Variants in PKHD1L1 observed in about 807,000 individuals in gnomAD.
The protein encoded by PKHD1L1 is fibrocystin-L.
Under a neutral mutation model 462.9 loss-of-function variants are expected in PKHD1L1, and 434 were observed. The observed-to-expected ratio is 0.94, with a 90% CI of 0.87 to 1.02. The LOEUF (loss-of-function observed/expected upper bound fraction) is 1.02. Among genes scored for constraint, PKHD1L1 ranks in the 50% least tolerant of loss-of-function variants. PKHD1L1 has a pLI of 0.00. For synonymous variants in PKHD1L1, 1,781 were observed against 1,750.0 expected (o/e 1.02, Z -0.44); for missense variants, 5,202 against 5,096.1 (o/e 1.02, Z -0.63).
chr8:109,443,513 T>C (rs1380250641), intron 36 of PKHD1L1, among the ~76,000 whole-genome samples, 163 bp from the exon 37 acceptor site: 1 of 152,222 alleles, frequency 6.6e-6, no homozygotes, highest in East Asian at 1.9e-4. Context: ...ATCAGGTCTT[T>C]AATACTTTTG....
chr8:109,371,769 C>T (rs1010196678), intron 2 of PKHD1L1, among the ~76,000 whole-genome samples: 4 of 151,718 alleles, frequency 2.6e-5, no homozygotes, highest in African/African-American at 7.3e-5. Context: ...GAATCCTTTC[C>T]CCATTGCTTG....
intron 2 of PKHD1L1, among the ~76,000 whole-genome samples, chr8:109,365,877 G>A (rs1010833159): frequency 2.6e-5 from 4 of 152,314 alleles, no homozygotes; most frequent in African/African-American, 9.6e-5. Context: ...AGGAGCCTGA[G>A]GCAGAAGAAT....
At chr8:109,475,847 C>CAAAAAAAA in intron 51 of PKHD1L1, among the ~76,000 whole-genome samples, 1 of 95,284 alleles carries the variant, frequency 1.0e-5, no homozygotes, top group Admixed American at 1.1e-4. Context: ...GACTCCATCT[C>CAAAAAAAA]AAAAAAAAAA....
intron 23 of PKHD1L1, among the ~76,000 whole-genome samples, chr8:109,424,342 C>A (rs1311119668): frequency 6.6e-6 from 1 of 152,140 alleles, no homozygotes; most frequent in Non-Finnish European, 1.5e-5. Context: ...TTTATCCATT[C>A]TATTGAACAA....
chr8:109,461,784 C>A lies in PKHD1L1; in HGVS notation c.7259C>A (p.Thr2420Lys), dbSNP rs1267086554. 6.2e-7 allele frequency: 1 copy of A among 1,608,868 alleles called. No individual in the cohort carries two copies. Among genetic ancestry groups the A allele is most frequent in the South Asian group, 1.1e-5 (1 of 89,848 alleles). Residue 2420 changes from threonine to lysine, a missense_variant, in exon 48 of 78, where the codon ACA becomes AAA. Thr to Lys is a moderately conservative substitution (Grantham distance 78). Transcript: ENST00000378402. ...AACTGTTTTGAAGGAGAATTTGCTA[C>A]ACAGACCTGTCTCCAAGGAAAGTTT... Reference protein sequence around the residue: ...PDGFDTGEFATQTCLQGKFGE... With the variant: ...PDGFDTGEFAKQTCLQGKFGE...
intron 38 of PKHD1L1, among the ~76,000 whole-genome samples, chr8:109,446,346 G>T (rs1816139756): frequency 6.6e-6 from 1 of 152,100 alleles, no homozygotes; most frequent in Non-Finnish European, 1.5e-5. Flanking sequence ...TCAAATTTTG[G>T]TTCCTTTAAT....
chr8:109,393,728 C>T (rs547456072), intron 9 of PKHD1L1, among the ~76,000 whole-genome samples: 4 of 152,228 alleles, frequency 2.6e-5, no homozygotes, highest in East Asian at 1.9e-4. Context: ...AAAGATCAAA[C>T]GGCATAATCA....
chr8:109,476,794 A>G (rs918054740), intron 52 of PKHD1L1, 127 bp downstream of exon 52: 1 of 823,920 alleles, frequency 1.2e-6, no homozygotes, highest in Non-Finnish European at 1.8e-6. Context: ...TGTTTGCTGA[A>G]TGGAAAAACT....
chr8:109,522,590 G>A (rs1394424340), intron 74 of PKHD1L1, among the ~76,000 whole-genome samples, 154 bp from the exon 75 acceptor site: 1 of 152,196 alleles, frequency 6.6e-6, no homozygotes, highest in Non-Finnish European at 1.5e-5. Flanking sequence ...CTTCATAAAT[G>A]TAATGGAGGA....
At chr8:109,473,839 G>C (rs1327603407) in intron 50 of PKHD1L1, among the ~76,000 whole-genome samples, 3 of 152,088 alleles carry the variant, frequency 2.0e-5, no homozygotes, top group Non-Finnish European at 4.4e-5. Context: ...CAGGTGTCAG[G>C]CAAAGGGAGA....
rs1586495532 is a variant in PKHD1L1 at position 109,431,317 on chromosome 8, A to G, written c.3229+1280A>G. The stretch of plus-strand genomic sequence containing the variant: ...TAAGCATAAAGAAAACTACAAAAAT[A>G]CATATATTTTTCACTGAAAATTAAC... On this transcript the variant is annotated intron_variant, in intron 27 of 77. Coordinates refer to ENST00000378402, the MANE Select transcript of PKHD1L1 (RefSeq NM_177531.6). Among the ~76,000 whole-genome samples the G allele has an allele frequency of 2.6e-5, 4 of 151,794 alleles. No individual in the cohort carries two copies. In the South Asian group the frequency reaches 8.3e-4, roughly 31 times the overall value.
At position 109,510,829 on chromosome 8, in the gene PKHD1L1, C is replaced by T. The variant is rs372294329; in HGVS notation, c.11448C>T (p.Ser3816=). 1.4e-5 allele frequency: 22 copies of T among 1,613,132 alleles called. No individual in the cohort carries two copies. Among genetic ancestry groups the T allele is most frequent in the Non-Finnish European group, 1.8e-5 (21 of 1,179,484 alleles). The part of the protein sequence containing the change: ...CAGYTCQRRL[S]LFHSIVALNK... ...GATATACATGCCAGAGAAGGCTGTC[C>T]CTGTTTCACAGCATTGTGGCTCTGA... The change falls in exon 71 of 78, where the codon TCC becomes TCT. Residue 3816 remains serine, a synonymous_variant. Coordinates refer to ENST00000378402, the MANE Select transcript of PKHD1L1 (RefSeq NM_177531.6).
chr8:109,508,575 G>T (rs1273696099), intron 70 of PKHD1L1, among the ~76,000 whole-genome samples: 2 of 150,952 alleles, frequency 1.3e-5, no homozygotes, highest in Non-Finnish European at 2.9e-5. Flanking sequence ...TTGATAAGGT[G>T]GTATAAGTAT....
At chr8:109,402,469 C>G (rs1433520190) in intron 14 of PKHD1L1, among the ~76,000 whole-genome samples, 1 of 152,118 alleles carries the variant, frequency 6.6e-6, no homozygotes, top group South Asian at 2.1e-4. Context: ...TGCACATGGT[C>G]TCTCATCATC....
In PKHD1L1 at chr8:109,378,865, G is replaced by A. The variant is rs146577803; in HGVS notation, c.164-2505G>A. On this transcript the variant is annotated intron_variant, in intron 2 of 77. Coordinates refer to ENST00000378402, the MANE Select transcript of PKHD1L1 (RefSeq NM_177531.6). ...AATGTCTTAGAGAGAGGCATATGAA[G>A]GGACTCATAATAGTGAGCATAAAGC... Among the ~76,000 whole-genome samples the A allele has an allele frequency of 6.1e-3, 931 of 152,284 alleles. 7 individuals are homozygous for A. Among genetic ancestry groups the A allele is most frequent in the Middle Eastern group, 0.051 (15 of 294 alleles).
Position 109,459,609 on chromosome 8 carries a change from A to G in PKHD1L1, c.7019A>G (p.Glu2340Gly). The G allele has an allele frequency of 1.3e-6, 2 of 1,562,438 alleles. No individual in the cohort carries two copies. The highest frequency in any genetic ancestry group is 2.4e-5 in the South Asian group (2 of 83,800). The change falls in exon 47 of 78, where the codon GAG becomes GGG. Residue 2340 changes from glutamate (E) to glycine (G), a missense_variant. Glu to Gly is a moderately conservative substitution (Grantham distance 98). Coordinates refer to ENST00000378402, the MANE Select transcript of PKHD1L1 (RefSeq NM_177531.6). ...ASTGHRHSQG[E>G]NEKMTIASVS... is the part of the protein sequence containing the mutation. ...AATTTTTACAGACACAGTCAAGGAG[A>G]GAATGAAAAAATGACCATTGCATCT... is the stretch of plus-strand genomic sequence containing the variant.
intron 11 of PKHD1L1, among the ~76,000 whole-genome samples, chr8:109,397,827 G>A (rs537247383): frequency 6.6e-6 from 1 of 152,304 alleles, no homozygotes; most frequent in South Asian, 2.1e-4. Context: ...TGCCATTTCA[G>A]TGAATACTTT....
intron 2 of PKHD1L1, among the ~76,000 whole-genome samples, chr8:109,368,995 T>C (rs1811360898): frequency 6.6e-6 from 1 of 152,142 alleles, no homozygotes; most frequent in African/African-American, 2.4e-5. Flanking sequence ...TTTTTTTTTT[T>C]TGAGATGGAG....
At chr8:109,374,663 G>A (rs1260467026) in intron 2 of PKHD1L1, among the ~76,000 whole-genome samples, 1 of 152,140 alleles carries the variant, frequency 6.6e-6, no homozygotes, top group African/African-American at 2.4e-5. Context: ...CATGTTTAGT[G>A]CTTCCTTCAG....
Sources: allele counts gnomAD v4.1 joint callset (sites outside exome capture counted in the v4.1 genomes callset), GRCh38; gene constraint gnomAD v4.1.1; transcripts MANE v1.5; gene names NCBI Gene and HGNC (gene_info 2026-07-23, HGNC 2026-07-21).